LRBA: variants seen among roughly 807,000 people sequenced by gnomAD.
LRBA encodes the protein LPS responsive beige-like anchor protein.
Under a neutral mutation model 330.0 loss-of-function variants are expected in LRBA, and 176 were observed. That is an observed-to-expected ratio of 0.53 (90% CI 0.47 to 0.60). LRBA has a LOEUF of 0.60. LRBA is among the 20% of genes least tolerant of loss of function. The pLI is 0.00. For missense variants in LRBA, 3,259 were observed against 3,444.8 expected (o/e 0.95, Z 1.35); for synonymous variants, 1,230 against 1,193.0 (o/e 1.03, Z -0.64).
intron 56 of LRBA, among the ~76,000 whole-genome samples, chr4:150,272,786 G>C (rs757823656): frequency 1.5e-4 from 23 of 151,952 alleles, no homozygotes; most frequent in Non-Finnish European, 2.5e-4. Context: ...AACAAACAAA[G>C]CCTTCAAGAA....
chr4:150,500,269 TAA>T (rs34244316), intron 40 of LRBA, among the ~76,000 whole-genome samples: 2 of 144,118 alleles, frequency 1.4e-5, no homozygotes, highest in African/African-American at 2.5e-5. Context: ...AAGGTAAAGT[TAA>T]AAAAAAAAAA....
chr4:150,993,473 G>C (rs902132082), intron 2 of LRBA, among the ~76,000 whole-genome samples: 1 of 152,200 alleles, frequency 6.6e-6, no homozygotes, highest in Non-Finnish European at 1.5e-5. Flanking sequence ...GGGAGGCCAA[G>C]GCAGGTGGAT....
chr4:150,681,091 A>C (rs1363088641), intron 37 of LRBA, among the ~76,000 whole-genome samples: 2 of 152,260 alleles, frequency 1.3e-5, no homozygotes, highest in Non-Finnish European at 2.9e-5. Flanking sequence ...AAGAAATTAT[A>C]CTTAATTTAA....
At chr4:150,881,872 A>T (rs1728433556) in intron 17 of LRBA, among the ~76,000 whole-genome samples, 1 of 152,182 alleles carries the variant, frequency 6.6e-6, no homozygotes, top group Non-Finnish European at 1.5e-5. Context: ...GGATCACCTG[A>T]GGTCAGGAGC....
chr4:150,742,517 G>A (rs551012512), intron 35 of LRBA, among the ~76,000 whole-genome samples: 1 of 152,022 alleles, frequency 6.6e-6, no homozygotes, highest in South Asian at 2.1e-4. Flanking sequence ...ACCTACAAAA[G>A]TTACACCTAG....
At chr4:150,452,256 G>A (rs60559762) in intron 44 of LRBA, among the ~76,000 whole-genome samples, 11 of 152,252 alleles carry the variant, frequency 7.2e-5, no homozygotes, top group Middle Eastern at 3.4e-3. Context: ...ATCAGCCAGT[G>A]TAATTCACTA....
rs1398093815 is a variant in LRBA, at chr4:150,820,552, GCT to G, written c.5172-3297_5172-3296del. Among the ~76,000 whole-genome samples, 7 of 151,944 alleles carry G rather than the reference GCT, an allele frequency of 4.6e-5. No individual in the cohort carries two copies. The South Asian group carries it at 1.5e-3, about 32-fold the overall frequency. ...TTTAAAAGCTGAATTATTTCATATA[GCT>G]ACATAATTAGTATATAATAGAGAAA... is the stretch of plus-strand genomic sequence containing the variant. On this transcript the variant is annotated intron_variant, in intron 30 of 56. Coordinates refer to ENST00000651943, the MANE Select transcript of LRBA (RefSeq NM_001364905.1).
intron 30 of LRBA, among the ~76,000 whole-genome samples, chr4:150,818,617 C>T (rs763769199): frequency 2.0e-5 from 3 of 151,038 alleles, no homozygotes; most frequent in Non-Finnish European, 4.4e-5. Flanking sequence ...TCAAAAACAA[C>T]GCAAAATGTA....
At chr4:150,745,765 T>C (rs1449835802) in intron 35 of LRBA, among the ~76,000 whole-genome samples, 1 of 152,114 alleles carries the variant, frequency 6.6e-6, no homozygotes, top group African/African-American at 2.4e-5. Flanking sequence ...CTGCCCGCCT[T>C]GGCCTCCCAA....
rs1029829344 is a variant in LRBA at position 150,634,241 on chromosome 4, T to C, written c.5922-35110A>G. 3.3e-5 allele frequency among the ~76,000 whole-genome samples: 5 copies of C among 152,360 alleles called. No homozygotes were observed. The South Asian group carries it at 1.0e-3, about 32-fold the overall frequency. ...AGATATCAATTGAAGGCATTCATCATTCAGTTTTGTCATTCTTCATAGCAT... is the reference window on the plus strand; with the variant it reads ...AGATATCAATTGAAGGCATTCATCACTCAGTTTTGTCATTCTTCATAGCAT... On this transcript the variant is annotated intron_variant, in intron 37 of 56. Transcript: ENST00000651943.
At chr4:150,932,732 A>G (rs547864091) in intron 2 of LRBA, among the ~76,000 whole-genome samples, 2 of 152,184 alleles carry the variant, frequency 1.3e-5, no homozygotes, top group East Asian at 1.9e-4. Flanking sequence ...CCAAGGCAAC[A>G]TAGCAAAATC....
intron 40 of LRBA, among the ~76,000 whole-genome samples, chr4:150,544,461 T>C (rs1765646983): frequency 6.6e-6 from 1 of 152,178 alleles, no homozygotes; most frequent in South Asian, 2.1e-4. Flanking sequence ...AAGCCTGGAA[T>C]ACAATAACCG....
intron 40 of LRBA, among the ~76,000 whole-genome samples, chr4:150,552,697 C>T (rs924597379): frequency 1.3e-5 from 2 of 152,088 alleles, no homozygotes; most frequent in Non-Finnish European, 1.5e-5. Context: ...CACATGCACA[C>T]GTATGTTTAC....
intron 53 of LRBA, among the ~76,000 whole-genome samples, chr4:150,294,726 C>T (rs190206365): frequency 1.1e-4 from 16 of 152,196 alleles, no homozygotes; most frequent in Admixed American, 2.6e-4. Flanking sequence ...CCAAGGTGGG[C>T]GGATCACAAG....
chr4:150,520,974 T>C (rs2152166841), intron 40 of LRBA, among the ~76,000 whole-genome samples: 1 of 152,300 alleles, frequency 6.6e-6, no homozygotes, highest in South Asian at 2.1e-4. Flanking sequence ...GGTTATTTAT[T>C]TTTAATTAAA....
chr4:150,482,055 C>T (rs1335438667), intron 42 of LRBA, among the ~76,000 whole-genome samples: 2 of 151,988 alleles, frequency 1.3e-5, no homozygotes, highest in Non-Finnish European at 2.9e-5. Flanking sequence ...GAATAATTTA[C>T]ATAGAGAAAA....
At position 150,327,189 on chromosome 4, in the gene LRBA, C is replaced by T. The variant is rs187358736; in HGVS notation, c.7363-1291G>A. Among the ~76,000 whole-genome samples, 25 of 152,178 alleles carry T rather than the reference C, an allele frequency of 1.6e-4. No individual in the cohort carries two copies. In the East Asian group the frequency reaches 4.6e-3, roughly 28 times the overall value. ...ATGGCTCACACCTGTAATCCCAAAC[C>T]AAGACAGGAGGATCGCTTGAGGCCA... On this transcript the variant is annotated intron_variant, in intron 48 of 56. Transcript: ENST00000651943.
At chr4:150,320,788 C>G (rs906665854) in intron 50 of LRBA, among the ~76,000 whole-genome samples, 2 of 152,068 alleles carry the variant, frequency 1.3e-5, no homozygotes, top group Non-Finnish European at 2.9e-5. Flanking sequence ...GCCTGAGTGA[C>G]AGAGCAAGGC....
intron 40 of LRBA, among the ~76,000 whole-genome samples, chr4:150,563,506 T>C (rs1406236176): frequency 6.6e-6 from 1 of 152,118 alleles, no homozygotes; most frequent in Non-Finnish European, 1.5e-5. Context: ...CCACTTCTAT[T>C]CGACATAGTA....
Sources: allele counts gnomAD v4.1 joint callset (sites outside exome capture counted in the v4.1 genomes callset), GRCh38; gene constraint gnomAD v4.1.1; transcripts MANE v1.5; gene names NCBI Gene and HGNC (gene_info 2026-07-23, HGNC 2026-07-21).